Variants in PDE4D observed in about 807,000 individuals in gnomAD.
PDE4D encodes phosphodiesterase 4D, also known as 3',5'-cyclic-AMP phosphodiesterase 4D.
Under a neutral mutation model 87.4 loss-of-function variants are expected in PDE4D, and 24 were observed. That is an observed-to-expected ratio of 0.27 (90% CI 0.20 to 0.39). The LOEUF is 0.39. Ranked by LOEUF, PDE4D falls within the 10% of genes least tolerant of loss-of-function variation. The pLI is 1.00. For synonymous variants in PDE4D, 384 were observed against 383.2 expected (o/e 1.00, Z -0.02); for missense variants, 714 against 1,041.0 (o/e 0.69, Z 4.32).
chr5:59,230,089 A>G (rs153985), intron 1 of PDE4D, among the ~76,000 whole-genome samples: 32,326 of 152,116 alleles, frequency 0.21, 3,701 homozygotes, highest in Non-Finnish European at 0.26. Context: ...ACCCAGCTGC[A>G]CCTTCTATTT....
At chr5:59,392,940 G>A (rs1443315939) in intron 1 of PDE4D, among the ~76,000 whole-genome samples, 5 of 152,116 alleles carry the variant, frequency 3.3e-5, no homozygotes, top group Non-Finnish European at 7.4e-5. Context: ...AATGGATGAG[G>A]ACCTATGTGA....
At chr5:59,427,292 T>TATACAC (rs1554169893) in intron 1 of PDE4D, among the ~76,000 whole-genome samples, 5 of 132,258 alleles carry the variant, frequency 3.8e-5, no homozygotes, top group Non-Finnish European at 6.3e-5. Flanking sequence ...AGTGATTTTA[T>TATACAC]ACACACACAC....
At chr5:60,315,330 G>A (rs577302172) in intron 1 of PDE4D, among the ~76,000 whole-genome samples, 2 of 152,310 alleles carry the variant, frequency 1.3e-5, no homozygotes, top group South Asian at 2.1e-4. Flanking sequence ...TGTTGATGGG[G>A]TTGTTTGTTT....
intron 3 of PDE4D, among the ~76,000 whole-genome samples, chr5:59,954,722 T>G (rs1758655039): frequency 6.6e-6 from 1 of 152,148 alleles, no homozygotes; most frequent in Non-Finnish European, 1.5e-5. Context: ...TTCAGAAAGA[T>G]TCACAAGAAT....
At chr5:59,515,469 AAT>A (rs1224834208) in intron 1 of PDE4D, among the ~76,000 whole-genome samples, 7 of 152,144 alleles carry the variant, frequency 4.6e-5, no homozygotes, top group Admixed American at 3.9e-4. Context: ...AGTGGTATAA[AAT>A]ATAGAGTATA....
intron 1 of PDE4D, among the ~76,000 whole-genome samples, chr5:59,808,003 C>T (rs1395956508): frequency 1.3e-5 from 2 of 152,210 alleles, no homozygotes; most frequent in Admixed American, 6.5e-5. Flanking sequence ...CTATCACTAC[C>T]TTAGACCCTT....
chr5:60,490,767 C>T (rs1465137165), upstream of PDE4D: 1 of 152,196 alleles, frequency 6.6e-6, no homozygotes, highest in Non-Finnish European at 1.5e-5. Context: ...AGAAAAATTG[C>T]TCAGGAAACT....
At chr5:59,387,950 GC>G (rs1305761291) in intron 1 of PDE4D, among the ~76,000 whole-genome samples, 1 of 151,914 alleles carries the variant, frequency 6.6e-6, no homozygotes, top group Non-Finnish European at 1.5e-5. Flanking sequence ...CCAGTCTTCA[GC>G]CCCCACCCAT....
At chr5:60,288,092 T>C (rs1262232274) in intron 1 of PDE4D, among the ~76,000 whole-genome samples, 1 of 152,272 alleles carries the variant, frequency 6.6e-6, no homozygotes, top group Non-Finnish European at 1.5e-5. Context: ...CAGACTTTTG[T>C]CTGTTCTAAC....
chr5:60,226,724 T>C (rs1745151508), intron 1 of PDE4D, among the ~76,000 whole-genome samples: 1 of 151,964 alleles, frequency 6.6e-6, no homozygotes, highest in Admixed American at 6.6e-5. Context: ...GGTACTGGTT[T>C]CTTCTTCTGT....
intron 6 of PDE4D, among the ~76,000 whole-genome samples, chr5:59,022,869 G>C (rs1755449462): frequency 6.6e-6 from 1 of 152,142 alleles, no homozygotes; most frequent in Non-Finnish European, 1.5e-5. Flanking sequence ...ATATTATTTG[G>C]ATATATTTTG....
Position 60,112,197 on chromosome 5 carries a change from A to T in PDE4D, c.42+73360T>A, listed in dbSNP as rs78658153. Among the ~76,000 whole-genome samples, 1,175 of 152,252 alleles carry T rather than the reference A, an allele frequency of 7.7e-3. 13 individuals are homozygous for T. The highest frequency in any genetic ancestry group is 0.027 in the African/African-American group (1,119 of 41,544). On this transcript the variant is annotated intron_variant, in intron 2 of 16. Transcript: ENST00000502484. ...CCATTATATTTCTGTATATTTCATT[A>T]AAAAACTGATTAATTATACTTTTTA... is the stretch of plus-strand genomic sequence containing the variant.
intron 1 of PDE4D, among the ~76,000 whole-genome samples, chr5:59,646,510 A>G (rs1302945761): frequency 6.6e-6 from 1 of 152,182 alleles, no homozygotes; most frequent in Non-Finnish European, 1.5e-5. Context: ...AATTTAAAAT[A>G]TTATATTCCT....
intron 1 of PDE4D, among the ~76,000 whole-genome samples, chr5:60,200,613 C>G (rs1741788725): frequency 6.6e-6 from 1 of 152,108 alleles, no homozygotes; most frequent in South Asian, 2.1e-4. Context: ...AGATGACAGT[C>G]AATGCAAGTA....
intron 1 of PDE4D, among the ~76,000 whole-genome samples, chr5:60,315,912 A>C (rs544447028): frequency 6.6e-6 from 1 of 152,254 alleles, no homozygotes; most frequent in East Asian, 1.9e-4. Flanking sequence ...GTTTGAAGTC[A>C]GGTAGCGTGA....
intron 1 of PDE4D, among the ~76,000 whole-genome samples, chr5:59,387,596 A>G (rs969901159): frequency 6.6e-6 from 1 of 151,978 alleles, no homozygotes; most frequent in Admixed American, 6.6e-5. Flanking sequence ...AGTTTTATAA[A>G]CCTCGTACTG....
intron 1 of PDE4D, among the ~76,000 whole-genome samples, chr5:59,527,927 A>G (rs1813455317): frequency 1.3e-5 from 2 of 152,234 alleles, no homozygotes; most frequent in African/African-American, 4.8e-5. Flanking sequence ...TTTATTCCTT[A>G]AAAGTCTTAA....
Position 60,468,130 on chromosome 5 carries a change from C to CTTTTTT in PDE4D, c.-90+19806_-90+19811dup, listed in dbSNP as rs370784270. On this transcript the variant is annotated intron_variant, in intron 1 of 16. Transcript: ENST00000502484. ...TCTAATACACATCCTAACTTTCTTT[C>CTTTTTT]TTTTTTCTTTTTTTTTTGTTTTTTT... 7.2e-3 allele frequency among the ~76,000 whole-genome samples: 908 copies of CTTTTTT among 126,054 alleles called. 21 individuals carry two copies. Among genetic ancestry groups the CTTTTTT allele is most frequent in the African/African-American group, 0.026 (833 of 32,458 alleles). 82.7% of individuals were successfully genotyped at this position (126,054 alleles called of 152,430 possible).
chr5:59,645,888 C>T (rs556005492), intron 1 of PDE4D, among the ~76,000 whole-genome samples: 3 of 152,174 alleles, frequency 2.0e-5, no homozygotes, highest in East Asian at 1.9e-4. Flanking sequence ...TCTAAACTAT[C>T]GGTAATAAAA....
Sources: gnomAD v4.1 joint callset for allele counts (sites outside exome capture counted in the v4.1 genomes callset) on GRCh38, gnomAD v4.1.1 for gene constraint, MANE v1.5 for transcripts, NCBI Gene and HGNC (gene_info 2026-07-23, HGNC 2026-07-21) for gene names.